Variants in CHFR observed in about 807,000 individuals in gnomAD.
CHFR encodes the protein checkpoint with forkhead and ring finger domains.
A neutral mutation model predicts 87.6 loss-of-function variants in CHFR; 57 were observed. That is an observed-to-expected ratio of 0.65 (90% confidence interval 0.53 to 0.81). The LOEUF (loss-of-function observed/expected upper bound fraction) is 0.81. CHFR is among the 30% of genes least tolerant of loss of function. The pLI, the probability that CHFR is intolerant of heterozygous loss-of-function variation, is 0.00. For synonymous variants in CHFR, 381 were observed against 359.2 expected (o/e 1.06, Z -0.69); for missense variants, 797 against 865.8 (o/e 0.92, Z 1.00).
At position 132,834,945 on chromosome 12, in the gene CHFR, C is replaced by G. The variant is rs1159460144; in HGVS notation, c.*6609G>C. The G allele has an allele frequency of 6.6e-6, 1 of 151,780 alleles. No homozygotes were observed. The highest frequency in any genetic ancestry group is 1.9e-4 in the East Asian group (1 of 5,160). 9.4% of individuals were successfully genotyped at this position (151,780 alleles called of 1,614,324 possible). On this transcript the variant is annotated 3_prime_UTR_variant, in exon 18 of 18. Coordinates refer to ENST00000450056, the MANE Select transcript of CHFR (RefSeq NM_001161346.2). ...TGTTAGCCAGGATGGTCTCGATCTC[C>G]TGACCTCGTGATCCGCCCGCCTCAG...
At chr12:132,876,877 C>T (rs1009636309) in intron 3 of CHFR, among the ~76,000 whole-genome samples, 5 of 152,216 alleles carry the variant, frequency 3.3e-5, no homozygotes, top group African/African-American at 4.8e-5. Context: ...TCACCACAAT[C>T]TCCGACTCCC....
intron 8 of CHFR, among the ~76,000 whole-genome samples, chr12:132,858,418 C>CA (rs780319682): frequency 3.8e-4 from 58 of 151,208 alleles, no homozygotes; most frequent in Non-Finnish European, 6.8e-4. Context: ...ACCGTCTCTA[C>CA]AAAAAACACA....
At position 132,882,360 on chromosome 12, in the gene CHFR, A is replaced by G. The variant is rs1016086922; in HGVS notation, c.134-4706T>C. 3.3e-5 allele frequency among the ~76,000 whole-genome samples: 5 copies of G among 152,334 alleles called. No individual in the cohort carries two copies. In the East Asian group the frequency reaches 7.7e-4, roughly 23 times the overall value. ...AGAAACCAGATCAGTGGCTGCCAGGAGCCGGGACTCAGGGGGACCTTTCAG... is the reference window on the plus strand; with the variant it reads ...AGAAACCAGATCAGTGGCTGCCAGGGGCCGGGACTCAGGGGGACCTTTCAG... On this transcript the variant is annotated intron_variant, in intron 2 of 17. Transcript: ENST00000450056.
intron 14 of CHFR, 50 bp from the exon 15 acceptor site, chr12:132,847,180 A>G: frequency 5.6e-6 from 9 of 1,608,518 alleles, no homozygotes; most frequent in Non-Finnish European, 6.8e-6. Context: ...TAGAGGAAGA[A>G]ACACTGAAAT....
intron 14 of CHFR, 45 bp from the exon 15 acceptor site, chr12:132,847,175 G>A (rs780753816): frequency 1.2e-6 from 2 of 1,608,872 alleles, no homozygotes; most frequent in African/African-American, 2.7e-5. Flanking sequence ...TCGTTTAGAG[G>A]AAGAAACACT....
chr12:132,841,883 G>A (rs1034770517), intron 17 of CHFR, among the ~76,000 whole-genome samples: 4 of 152,180 alleles, frequency 2.6e-5, no homozygotes, highest in Admixed American at 6.5e-5. Context: ...GAGGCGGGCG[G>A]ATCACTTGAG....
rs1293723698 is a variant in CHFR, at chr12:132,856,600, C to A, written c.1097G>T (p.Ser366Ile). 6.2e-7 allele frequency: 1 copy of A among 1,614,176 alleles called. No individual in the cohort carries two copies. The highest frequency in any genetic ancestry group is 8.5e-7 in the Non-Finnish European group (1 of 1,180,008). Residue 366 changes from serine to isoleucine, a missense_variant, in exon 10 of 18, where the codon AGT becomes ATT. By Grantham distance (142) the Ser-to-Ile change is moderately radical. This residue lies in a region of CHFR where 597 missense variants were observed against 601.2 expected (regional missense o/e 0.99). Transcript: ENST00000450056. ...AGTGATTTTATTTCTGGCATCCATA[C>A]TTTGCACATCTTCTTCACTGCGACT... ...DKSRSEEDVQSMDARNKITQD... is the reference protein window; with the variant it reads ...DKSRSEEDVQIMDARNKITQD...
intron 16 of CHFR, 138 bp from the exon 17 acceptor site, chr12:132,843,221 CG>C: frequency 1.3e-6 from 1 of 762,668 alleles, no homozygotes; most frequent in Non-Finnish European, 2.3e-6. Context: ...CTAGTTTCCT[CG>C]GACCGTTCTG....
chr12:132,866,610 G>C, intron 6 of CHFR: 1 of 117,034 alleles, frequency 8.5e-6, no homozygotes, highest in East Asian at 2.4e-4. Context: ...CAACACACCA[G>C]AAAGTTACAA....
At chr12:132,847,273 G>T in intron 14 of CHFR, 143 bp from the exon 15 acceptor site, 2 of 1,427,206 alleles carry the variant, frequency 1.4e-6, no homozygotes, top group Non-Finnish European at 1.8e-6. Context: ...TTTGCAGAGG[G>T]CTGCACGTTC....
rs1011990566 is a variant in CHFR at position 132,835,254 on chromosome 12, A to T, written c.*6300T>A. 7.2e-5 allele frequency: 11 copies of T among 152,174 alleles called. No homozygotes were observed. Among genetic ancestry groups the T allele is most frequent in the African/African-American group, 2.7e-4 (11 of 41,422 alleles). 9.4% of individuals were successfully genotyped at this position (152,174 alleles called of 1,614,324 possible). ...TGGTATCCAGCATGTGGGGTTTGCC[A>T]AACAACAACAAACAAAACCACCCAA... is the stretch of plus-strand genomic sequence containing the variant. On this transcript the variant is annotated 3_prime_UTR_variant, in exon 18 of 18. Coordinates refer to ENST00000450056, the MANE Select transcript of CHFR (RefSeq NM_001161346.2).
chr12:132,878,869 G>A (rs1593529143), intron 2 of CHFR, among the ~76,000 whole-genome samples: 1 of 150,128 alleles, frequency 6.7e-6, no homozygotes, highest in East Asian at 1.9e-4. Flanking sequence ...TAATTCTTCA[G>A]TATCTTAATT....
intron 2 of CHFR, among the ~76,000 whole-genome samples, chr12:132,886,675 G>A (rs1005069340): frequency 1.3e-5 from 2 of 152,122 alleles, no homozygotes; most frequent in African/African-American, 4.8e-5. Context: ...CTAGGGGCTG[G>A]GACTTGAGAT....
rs1223108818 is a variant in CHFR at position 132,851,530 on chromosome 12, A to G, written c.1492+88T>C. 4.4e-6 allele frequency: 6 copies of G among 1,377,982 alleles called. No homozygotes were observed. In the Admixed American group the frequency reaches 1.4e-4, roughly 33 times the overall value. 85.4% of individuals were successfully genotyped at this position (1,377,982 alleles called of 1,614,324 possible). A position where few individuals can be genotyped will look rare whatever the true frequency, so the allele number is the denominator to read the frequency against. On this transcript the variant is annotated intron_variant, in intron 12 of 17. Coordinates refer to ENST00000450056, the MANE Select transcript of CHFR (RefSeq NM_001161346.2). ...AAAAGAAACGGCATCCTTACTTCAC[A>G]GGTTACCCTAAGGCCAACACCGCTT...
intron 5 of CHFR, among the ~76,000 whole-genome samples, chr12:132,870,506 G>A (rs999257915): frequency 7.1e-6 from 1 of 140,752 alleles, no homozygotes; most frequent in Admixed American, 7.7e-5. Context: ...ACTCCAGGCT[G>A]AGCAACAAGA....
At position 132,842,993 on chromosome 12, in the gene CHFR, G is replaced by A. The variant is rs754006620; in HGVS notation, c.1916+18C>T. ...TCATCACTCTGTAGCTGACGCCTGT[G>A]CCCCCAGCTGCACTCACATGGCGTG... On this transcript the variant is annotated intron_variant, in intron 17 of 17. Coordinates refer to ENST00000450056, the MANE Select transcript of CHFR (RefSeq NM_001161346.2). The A allele has an allele frequency of 1.1e-5, 18 of 1,603,252 alleles. No homozygotes were observed. In the African/African-American group the frequency reaches 1.2e-4, roughly 11 times the overall value.
rs779678693 is a variant in CHFR, at chr12:132,856,713, G to T, written c.1067-83C>A. On this transcript the variant is annotated intron_variant, in intron 9 of 17. Transcript: ENST00000450056. ...AGCTCACACTGCTGGGAGCTCGCGT[G>T]CGCAGTGCTGCGGAAGGAGGGGTCT... The T allele has an allele frequency of 2.8e-6, 4 of 1,451,056 alleles. No homozygotes were observed. The East Asian group carries it at 6.8e-5, about 25-fold the overall frequency. 89.9% of individuals were successfully genotyped at this position (1,451,056 alleles called of 1,614,324 possible).
intron 6 of CHFR, among the ~76,000 whole-genome samples, chr12:132,868,535 C>T (rs1418365359): frequency 6.6e-6 from 1 of 151,342 alleles, no homozygotes; most frequent in Non-Finnish European, 1.5e-5. Flanking sequence ...AAAAAATTAG[C>T]TGGGCGTGGT....
In CHFR at chr12:132,861,554, G is replaced by A. The variant is rs35206714; in HGVS notation, c.664C>T (p.Leu222Phe). ...SDEVSSFASA[L>F]PDRKTASFSS... ...AAGGACGCAGTCTTTCTGTCTGGGA[G>A]AGCTGAGGCAAAGCTGGAGACTTCA... Residue 222 changes from leucine to phenylalanine, a missense_variant, in exon 7 of 18, where the codon CTC becomes TTC. By Grantham distance (22) the Leu-to-Phe change is conservative. Coordinates refer to ENST00000450056, the MANE Select transcript of CHFR (RefSeq NM_001161346.2). 4 of 1,614,126 alleles carry A rather than the reference G, an allele frequency of 2.5e-6. No individual in the cohort carries two copies. In the African/African-American group the frequency reaches 5.3e-5, roughly 22 times the overall value.
Sources: allele counts gnomAD v4.1 joint callset (sites outside exome capture counted in the v4.1 genomes callset), GRCh38; gene constraint gnomAD v4.1.1; regional missense constraint gnomAD v4.1.1; transcripts MANE v1.5; gene names NCBI Gene and HGNC (gene_info 2026-07-23, HGNC 2026-07-21).